Variants in BABAM2 observed in about 807,000 individuals in gnomAD.
BABAM2 encodes BRISC and BRCA1-A complex member 2.
A neutral mutation model predicts 54.7 loss-of-function variants in BABAM2; 31 were observed. The observed-to-expected ratio is 0.57, with a 90% CI of 0.43 to 0.77. The LOEUF is 0.77. Ranked by LOEUF, BABAM2 falls within the 30% of genes least tolerant of loss-of-function variation. BABAM2 has a pLI of 0.00. For synonymous variants in BABAM2, 167 were observed against 162.9 expected (o/e 1.03, Z -0.19); for missense variants, 364 against 455.8 (o/e 0.80, Z 1.83).
chr2:28,154,070 A>G (rs937857799), intron 7 of BABAM2, among the ~76,000 whole-genome samples: 2 of 152,204 alleles, frequency 1.3e-5, no homozygotes, highest in South Asian at 4.1e-4. Flanking sequence ...CACAAGGACA[A>G]TAGACTGACA....
In BABAM2 at chr2:28,304,685, C is replaced by T. The variant is rs893429283; in HGVS notation, c.1088+6194C>T. On this transcript the variant is annotated intron_variant, in intron 11 of 11. Coordinates refer to ENST00000379624, the MANE Select transcript of BABAM2 (RefSeq NM_199191.3). This position sits in a 1 kb window ranked among gnomAD's most constrained non-coding sequence, Gnocchi z 4.0. ...TCACCTCCCAGGTTCTAGCAATTCT[C>T]CTGCTTCAGCCTCTTAAGTAGCTGG... 6.6e-6 allele frequency among the ~76,000 whole-genome samples: 1 copy of T among 152,120 alleles called. No homozygotes were observed. The highest frequency in any genetic ancestry group is 2.4e-5 in the African/African-American group (1 of 41,424).
In BABAM2 at chr2:28,045,806, A is replaced by G. The variant is rs779196741; in HGVS notation, c.570+7A>G. 1.9e-6 allele frequency: 3 copies of G among 1,598,874 alleles called. No individual in the cohort carries two copies. The highest frequency in any genetic ancestry group is 1.7e-5 in the Admixed American group (1 of 59,772). ...CCCCACATACCTTCTCAAGGTAAAA[A>G]TATATGATTTTCAGTATGAGAATAT... On this transcript the variant is annotated splice_region_variant and intron_variant, in intron 6 of 11. Transcript: ENST00000379624.
At chr2:28,254,598 G>A (rs1276626052) in intron 10 of BABAM2, among the ~76,000 whole-genome samples, 6 of 151,780 alleles carry the variant, frequency 4.0e-5, no homozygotes, top group African/African-American at 7.3e-5. Context: ...CACCCATATC[G>A]CAGTTTGAAT....
At chr2:28,171,948 C>T (rs1674367307) in intron 7 of BABAM2, among the ~76,000 whole-genome samples, 2 of 152,096 alleles carry the variant, frequency 1.3e-5, no homozygotes, top group Admixed American at 6.5e-5. Context: ...GAACAAAGGA[C>T]TTTCTTAATA....
intron 2 of BABAM2, among the ~76,000 whole-genome samples, chr2:27,902,047 A>G (rs1480287799): frequency 6.6e-6 from 1 of 152,138 alleles, no homozygotes; most frequent in Non-Finnish European, 1.5e-5. Context: ...CATTGTGTGA[A>G]TATGCCCTTA....
At chr2:27,983,122 C>T (rs559691668) in intron 3 of BABAM2, among the ~76,000 whole-genome samples, 41 of 152,066 alleles carry the variant, frequency 2.7e-4, no homozygotes, top group Non-Finnish European at 2.9e-4. Context: ...TTTTACATTC[C>T]CACCAGCACT....
chr2:27,922,733 C>T (rs1206057562), intron 2 of BABAM2, among the ~76,000 whole-genome samples: 1 of 152,166 alleles, frequency 6.6e-6, no homozygotes, highest in Non-Finnish European at 1.5e-5. Context: ...ATTCCTAGCA[C>T]TTAGTGCCAG....
At chr2:27,945,452 T>C (rs1669231151) in intron 3 of BABAM2, among the ~76,000 whole-genome samples, 1 of 152,236 alleles carries the variant, frequency 6.6e-6, no homozygotes, top group African/African-American at 2.4e-5. Context: ...TCCTGACTAC[T>C]GTAGCTTTAT....
At chr2:28,075,863 TTC>T in intron 6 of BABAM2, among the ~76,000 whole-genome samples, 1 of 152,322 alleles carries the variant, frequency 6.6e-6, no homozygotes, top group East Asian at 1.9e-4. Flanking sequence ...CATGTATTTT[TTC>T]TTTCCTTTGT....
intron 3 of BABAM2, among the ~76,000 whole-genome samples, chr2:27,955,166 CTG>C (rs1196475621): frequency 6.6e-6 from 1 of 152,200 alleles, no homozygotes; most frequent in East Asian, 1.9e-4. Flanking sequence ...CTTCTTGAAT[CTG>C]TAGTTGCCAG....
intron 11 of BABAM2, among the ~76,000 whole-genome samples, chr2:28,332,952 G>C (rs542802784): frequency 1.3e-5 from 2 of 152,308 alleles, no homozygotes; most frequent in East Asian, 3.9e-4. Flanking sequence ...TCAGTGAGAA[G>C]GGAGGGCCTG....
chr2:28,182,308 T>G (rs537413468), intron 7 of BABAM2, among the ~76,000 whole-genome samples: 7 of 152,132 alleles, frequency 4.6e-5, no homozygotes, highest in Non-Finnish European at 1.0e-4. Flanking sequence ...CAAGAAGATA[T>G]TACAGGGTCT....
At chr2:28,259,331 C>T (rs1481633439) in intron 10 of BABAM2, among the ~76,000 whole-genome samples, 1 of 152,010 alleles carries the variant, frequency 6.6e-6, no homozygotes, top group African/African-American at 2.4e-5. Flanking sequence ...CATAATCCAC[C>T]CACCTCGGCC....
chr2:27,934,881 C>T (rs988054756), intron 3 of BABAM2, among the ~76,000 whole-genome samples: 2 of 152,198 alleles, frequency 1.3e-5, no homozygotes, highest in Admixed American at 1.3e-4. Context: ...TTGAAGCTAG[C>T]AGAAGTTGGT....
intron 7 of BABAM2, among the ~76,000 whole-genome samples, chr2:28,137,229 C>T (rs1670626085): frequency 6.6e-6 from 1 of 152,104 alleles, no homozygotes. Flanking sequence ...TTAATTTAGC[C>T]TTACTCATGT....
intron 5 of BABAM2, among the ~76,000 whole-genome samples, chr2:28,032,043 G>A (rs182017987): frequency 6.6e-6 from 1 of 152,210 alleles, no homozygotes; most frequent in African/African-American, 2.4e-5. Context: ...AGAATCAATA[G>A]GTTCTTCCTG....
At chr2:28,156,742 T>A (rs1344659789) in intron 7 of BABAM2, among the ~76,000 whole-genome samples, 1 of 152,212 alleles carries the variant, frequency 6.6e-6, no homozygotes, top group African/African-American at 2.4e-5. Context: ...ATTTTAAGGC[T>A]TATTTGGAAT....
intron 4 of BABAM2, among the ~76,000 whole-genome samples, chr2:27,999,554 C>G (rs574999284): frequency 2.7e-4 from 41 of 152,316 alleles, no homozygotes; most frequent in African/African-American, 8.9e-4. Flanking sequence ...CATTGCCAGT[C>G]TAAGCTGTGA....
intron 5 of BABAM2, among the ~76,000 whole-genome samples, chr2:28,028,204 C>T (rs571142195): frequency 2.0e-5 from 3 of 152,238 alleles, no homozygotes; most frequent in East Asian, 3.9e-4. Flanking sequence ...CTGGAGGCCG[C>T]CTTCAACTCC....
Sources: allele counts gnomAD v4.1 joint callset (sites outside exome capture counted in the v4.1 genomes callset), GRCh38; gene constraint gnomAD v4.1.1; non-coding constraint Gnocchi (gnomAD v3.1); transcripts MANE v1.5; gene names NCBI Gene and HGNC (gene_info 2026-07-23, HGNC 2026-07-21).